Variants in TBC1D32 observed in about 807,000 individuals in gnomAD.
TBC1D32 encodes protein broad-minded.
A neutral mutation model predicts 170.3 loss-of-function variants in TBC1D32; 151 were observed. The observed-to-expected ratio is 0.89, with a 90% CI of 0.78 to 1.01. TBC1D32 has a LOEUF of 1.01. Ranked by LOEUF, TBC1D32 falls within the 50% of genes least tolerant of loss-of-function variation. TBC1D32 has a pLI of 0.00. For missense variants in TBC1D32, 1,464 were observed against 1,457.1 expected (o/e 1.00, Z -0.08); for synonymous variants, 498 against 488.0 (o/e 1.02, Z -0.27).
chr6:121,212,748 ACC>A (rs1793255299), intron 21 of TBC1D32, among the ~76,000 whole-genome samples: 1 of 151,948 alleles, frequency 6.6e-6, no homozygotes, highest in South Asian at 2.1e-4. Context: ...GGTGTGAGCC[ACC>A]GCACCCAGCC....
At chr6:121,180,785 T>A (rs1788403323) in intron 22 of TBC1D32, among the ~76,000 whole-genome samples, 1 of 152,036 alleles carries the variant, frequency 6.6e-6, no homozygotes, top group Non-Finnish European at 1.5e-5. Flanking sequence ...GTGGACAAAC[T>A]GAAGAGACAA....
intron 22 of TBC1D32, among the ~76,000 whole-genome samples, chr6:121,179,800 C>A (rs538281175): frequency 5.9e-5 from 9 of 152,098 alleles, no homozygotes; most frequent in Non-Finnish European, 1.3e-4. Flanking sequence ...TTACCATGTT[C>A]TAAATTTGGG....
chr6:121,091,481 G>A (rs1776795153), intron 30 of TBC1D32, among the ~76,000 whole-genome samples: 1 of 152,048 alleles, frequency 6.6e-6, no homozygotes, highest in Non-Finnish European at 1.5e-5. Context: ...AATGCAAATG[G>A]ACTCTTCCTG....
At chr6:121,245,189 C>T (rs1393831354) in intron 17 of TBC1D32, among the ~76,000 whole-genome samples, 2 of 152,212 alleles carry the variant, frequency 1.3e-5, no homozygotes, top group African/African-American at 4.8e-5. Flanking sequence ...CACATTAAGA[C>T]TATCTACAAT....
intron 20 of TBC1D32, among the ~76,000 whole-genome samples, chr6:121,226,031 AT>A (rs988325536): frequency 4.6e-5 from 7 of 152,172 alleles, no homozygotes; most frequent in Non-Finnish European, 8.8e-5. Flanking sequence ...CGTTTGATAT[AT>A]TTTTAAGACT....
chr6:121,170,269 C>G (rs1355412814), intron 22 of TBC1D32: 2 of 911,108 alleles, frequency 2.2e-6, no homozygotes, highest in African/African-American at 3.4e-5. Context: ...ACTTTAGCTG[C>G]TTTGTATTCT....
intron 15 of TBC1D32, among the ~76,000 whole-genome samples, chr6:121,258,044 A>T (rs1799272965): frequency 7.6e-6 from 1 of 131,310 alleles, no homozygotes; most frequent in African/African-American, 2.8e-5. Context: ...ACAAGAGAAA[A>T]ATAAGTTCAT....
At chr6:121,137,843 G>A (rs549874013) in intron 24 of TBC1D32, among the ~76,000 whole-genome samples, 1 of 152,016 alleles carries the variant, frequency 6.6e-6, no homozygotes, top group East Asian at 1.9e-4. Context: ...CACAGAAAAA[G>A]TTTAATAATT....
chr6:121,241,422 A>T lies in TBC1D32; in HGVS notation c.2245+43T>A, dbSNP rs1185679868. 6 of 1,521,138 alleles carry T rather than the reference A, an allele frequency of 3.9e-6. No individual in the cohort carries two copies. In the East Asian group the frequency reaches 1.2e-4, roughly 31 times the overall value. The allele number at this position is 1,521,138 out of a possible 1,614,324, so 94.2% of individuals were successfully genotyped here. On this transcript the variant is annotated intron_variant, in intron 19 of 31. Transcript: ENST00000398212. ...AATTTTCAGTTGGCTTGCTCATTTT[A>T]TCTTTAAAATAATTATAATTCTAAT...
rs774060292 is a variant in TBC1D32, at chr6:121,283,854, G to T, written c.1429C>A (p.Pro477Thr). Reference sequence around the variant, plus strand: ...GCTGATGTCATCTTTGGACAACTTGGTGAGTAATAGATAAGTTGGGTAAAA... The same window carrying T: ...GCTGATGTCATCTTTGGACAACTTGTTGAGTAATAGATAAGTTGGGTAAAA... ...VLFTQLIYYSPSCPKMTSAAH... is the reference protein window; with the variant it reads ...VLFTQLIYYSTSCPKMTSAAH... Residue 477 changes from proline (P) to threonine (T), a missense_variant, in exon 13 of 32, where the codon CCA becomes ACA. Physicochemically the swap from Pro to Thr is conservative, Grantham distance 38. Coordinates refer to ENST00000398212, the MANE Select transcript of TBC1D32 (RefSeq NM_152730.6). 5 of 1,611,070 alleles carry T rather than the reference G, an allele frequency of 3.1e-6. No homozygotes were observed. The African/African-American group carries it at 5.3e-5, about 17-fold the overall frequency.
At chr6:121,130,208 G>A (rs558072440) in intron 25 of TBC1D32, among the ~76,000 whole-genome samples, 181 of 152,208 alleles carry the variant, frequency 1.2e-3, no homozygotes, top group Non-Finnish European at 2.1e-3. Context: ...TAGGCAGGGC[G>A]CGGTGGCTCA....
At chr6:121,329,960 C>T (rs1395399293) in intron 1 of TBC1D32, among the ~76,000 whole-genome samples, 1 of 152,106 alleles carries the variant, frequency 6.6e-6, no homozygotes, top group East Asian at 1.9e-4. Context: ...ACTAGGAATG[C>T]ATTCATTAAT....
chr6:121,263,796 C>A (rs1484733963), intron 15 of TBC1D32, among the ~76,000 whole-genome samples: 2 of 152,162 alleles, frequency 1.3e-5, no homozygotes, highest in Non-Finnish European at 2.9e-5. Context: ...CCCAAAACCA[C>A]ACAAATACAT....
chr6:121,216,486 G>A (rs1014357300), intron 21 of TBC1D32, among the ~76,000 whole-genome samples: 7 of 152,246 alleles, frequency 4.6e-5, no homozygotes, highest in Admixed American at 3.3e-4. Flanking sequence ...AGAATATTAA[G>A]GTTGGAATTC....
chr6:121,303,911 C>CT, intron 8 of TBC1D32, 150 bp from the exon 9 acceptor site: 1 of 451,832 alleles, frequency 2.2e-6, no homozygotes, highest in Non-Finnish European at 3.7e-6. Context: ...AATGTTTCTG[C>CT]TTTAACTACA....
intron 5 of TBC1D32, among the ~76,000 whole-genome samples, 185 bp from the exon 6 acceptor site, chr6:121,305,018 A>G (rs1807112859): frequency 6.6e-6 from 1 of 152,104 alleles, no homozygotes; most frequent in Non-Finnish European, 1.5e-5. Flanking sequence ...AAAACTGACC[A>G]AAACTAATAT....
intron 12 of TBC1D32, among the ~76,000 whole-genome samples, chr6:121,286,767 G>A (rs556262544): frequency 2.6e-5 from 4 of 152,242 alleles, no homozygotes; most frequent in East Asian, 3.9e-4. Flanking sequence ...GTCGGGTTAC[G>A]CACAAAGGGA....
In TBC1D32 at chr6:121,281,632, T is replaced by C; in HGVS notation, c.1520A>G (p.Gln507Arg). The C allele has an allele frequency of 1.9e-6, 3 of 1,607,240 alleles. No individual in the cohort carries two copies. Among genetic ancestry groups the C allele is most frequent in the Non-Finnish European group, 2.6e-6 (3 of 1,175,962 alleles). ...VTEVLWILSD[Q>R]KECAVECLYN... ...TAAGCATTCCACTGCACATTCTTTT[T>C]GATCACTGAGTATCCACAGAACTTC... The change falls in exon 14 of 32, where the codon CAA becomes CGA. Residue 507 changes from glutamine to arginine, a missense_variant. Gln to Arg is a conservative substitution (Grantham distance 43). Transcript: ENST00000398212.
intron 26 of TBC1D32, among the ~76,000 whole-genome samples, chr6:121,117,570 C>T (rs1329384178): frequency 1.3e-5 from 2 of 151,986 alleles, no homozygotes; most frequent in Non-Finnish European, 2.9e-5. Flanking sequence ...GGCGTGGTGG[C>T]ACATGTCTGT....
Sources: gnomAD v4.1 joint callset for allele counts (sites outside exome capture counted in the v4.1 genomes callset) on GRCh38, gnomAD v4.1.1 for gene constraint, MANE v1.5 for transcripts, NCBI Gene and HGNC (gene_info 2026-07-23, HGNC 2026-07-21) for gene names.